Variants in INPP5A observed in about 807,000 individuals in gnomAD.
The protein encoded by INPP5A is inositol polyphosphate-5-phosphatase A.
INPP5A carries 14 observed loss-of-function variants against 65.2 expected under a neutral mutation model. The observed-to-expected ratio is 0.21, with a 90% CI of 0.14 to 0.34. The LOEUF is 0.34. Among genes scored for constraint, INPP5A ranks in the 10% least tolerant of loss-of-function variants. INPP5A has a pLI of 1.00. For missense variants in INPP5A, 431 were observed against 545.6 expected, an observed-to-expected ratio of 0.79 and a Z score of 2.09; for synonymous variants, 207 against 208.3, an observed-to-expected ratio of 0.99 and a Z score of 0.05.
At chr10:132,544,556 G>A (rs2070945812) in intron 1 of INPP5A, among the ~76,000 whole-genome samples, 1 of 152,180 alleles carries the variant, frequency 6.6e-6, no homozygotes, top group Non-Finnish European at 1.5e-5. Flanking sequence ...CGGGCAGGGA[G>A]GGTTAAATAT....
At chr10:132,693,018 G>A (rs117878253) in intron 5 of INPP5A, among the ~76,000 whole-genome samples, 3,905 of 152,292 alleles carry the variant, frequency 0.026, 70 homozygotes, top group Middle Eastern at 0.041. Context: ...AAGTCATAAG[G>A]ACAGGAGGGA....
chr10:132,695,385 T>C (rs1478154226), intron 5 of INPP5A, among the ~76,000 whole-genome samples: 1 of 152,152 alleles, frequency 6.6e-6, no homozygotes, highest in Non-Finnish European at 1.5e-5. Context: ...AATCCTACAA[T>C]GAATACCACA....
intron 2 of INPP5A, among the ~76,000 whole-genome samples, chr10:132,632,909 G>T (rs865834969): frequency 1.3e-5 from 2 of 152,176 alleles, no homozygotes; most frequent in Non-Finnish European, 2.9e-5. Flanking sequence ...ATGCCACATC[G>T]GTGGCTTAGC....
Position 132,627,910 on chromosome 10 carries a change from G to A in INPP5A, c.118-17958G>A, listed in dbSNP as rs1236472321. 6.6e-6 allele frequency among the ~76,000 whole-genome samples: 1 copy of A among 152,118 alleles called. No individual in the cohort carries two copies. The highest frequency in any genetic ancestry group is 1.5e-5 in the Non-Finnish European group (1 of 68,020). On this transcript the variant is annotated intron_variant, in intron 2 of 15. Coordinates refer to ENST00000368594, the MANE Select transcript of INPP5A (RefSeq NM_005539.5). The surrounding 1 kb of genome is among the most constrained non-coding windows in gnomAD (Gnocchi z 6.6). ...TGCCCAGGCTGGAGTGGCGGCGTCG[G>A]GTGTGGAGAGAAACTGGAGATAAGG...
intron 12 of INPP5A, among the ~76,000 whole-genome samples, chr10:132,776,964 C>T (rs1847075203): frequency 6.6e-6 from 1 of 152,126 alleles, no homozygotes; most frequent in Admixed American, 6.5e-5. Context: ...TGAGCTGTGC[C>T]CTGGCCGGCG....
chr10:132,622,347 C>T (rs939957443), intron 2 of INPP5A, among the ~76,000 whole-genome samples: 12 of 147,450 alleles, frequency 8.1e-5, no homozygotes, highest in African/African-American at 2.8e-4. Flanking sequence ...GTTACGCTGA[C>T]GTGTTAGAAC....
At chr10:132,648,715 T>C (rs1161995470) in intron 3 of INPP5A, among the ~76,000 whole-genome samples, 1 of 152,268 alleles carries the variant, frequency 6.6e-6, no homozygotes, top group African/African-American at 2.4e-5. Flanking sequence ...TCTTCTGTAT[T>C]GCATTGTTGC....
At chr10:132,606,670 C>A (rs1245159553) in intron 1 of INPP5A, among the ~76,000 whole-genome samples, 1 of 152,228 alleles carries the variant, frequency 6.6e-6, no homozygotes, top group East Asian at 1.9e-4. Context: ...TGGTGTGTGG[C>A]CAGCCTTGCG....
chr10:132,743,571 A>G (rs982414425), intron 9 of INPP5A, among the ~76,000 whole-genome samples: 16 of 152,232 alleles, frequency 1.1e-4, no homozygotes, highest in African/African-American at 3.4e-4. Context: ...GTGAGTATCA[A>G]TTGGATGTCT....
chr10:132,733,619 C>A (rs796287276), intron 9 of INPP5A, among the ~76,000 whole-genome samples: 2 of 152,156 alleles, frequency 1.3e-5, no homozygotes, highest in African/African-American at 4.8e-5. Flanking sequence ...AAATTCTGCA[C>A]GATTTTCTTT....
rs757511241 is a variant in INPP5A, at chr10:132,765,778, G to A, written c.909G>A (p.Leu303=). ...CTGCTCTTTCTTTTCTTTAGCTCTT[G>A]GAGTTTGACAAGGAGTTGTCTGTCT... The part of the protein sequence containing the change: ...VFRDNNGTAL[L]EFDKELSVFK... The change falls in exon 12 of 16, where the codon TTG becomes TTA. Residue 303 remains leucine, a synonymous_variant. Transcript: ENST00000368594. The A allele has an allele frequency of 2.5e-6, 4 of 1,592,804 alleles. No homozygotes were observed.
At chr10:132,781,764 G>A (rs757812523) in intron 14 of INPP5A, 97 bp from the exon 15 acceptor site, 20 of 997,364 alleles carry the variant, frequency 2.0e-5, no homozygotes, top group Non-Finnish European at 2.8e-5. Flanking sequence ...GGCTGCCCTG[G>A]TGAGACGCAG....
At chr10:132,649,097 T>C (rs1171144523) in intron 3 of INPP5A, among the ~76,000 whole-genome samples, 3 of 152,246 alleles carry the variant, frequency 2.0e-5, no homozygotes, top group African/African-American at 7.2e-5. Flanking sequence ...TCGGTTTGGA[T>C]CGCCTCTGTT....
chr10:132,561,803 C>T (rs932331873), intron 1 of INPP5A, among the ~76,000 whole-genome samples: 17 of 151,492 alleles, frequency 1.1e-4, no homozygotes, highest in African/African-American at 3.9e-4. Flanking sequence ...CTGGAATCTA[C>T]ACACACACAA....
At chr10:132,745,793 CGTGGTGGCCTCGGGT>C (rs796561463) in intron 9 of INPP5A, among the ~76,000 whole-genome samples, 1,589 of 140,228 alleles carry the variant, frequency 0.011, 13 homozygotes, top group South Asian at 0.049. Flanking sequence ...GGGCTTCTGG[CGTGGTGGCCTCGGGT>C]GTGGTGGCCC....
At chr10:132,664,598 G>A (rs1424221326) in intron 4 of INPP5A, among the ~76,000 whole-genome samples, 1 of 152,230 alleles carries the variant, frequency 6.6e-6, no homozygotes, top group African/African-American at 2.4e-5. Context: ...GCACACCGCT[G>A]TGTGGGGGTG....
At chr10:132,671,397 T>TCCGCCCTCCCTGCTCA (rs1564958023) in intron 4 of INPP5A, among the ~76,000 whole-genome samples, 8 of 76,938 alleles carry the variant, frequency 1.0e-4, no homozygotes, top group Non-Finnish European at 1.8e-4. Flanking sequence ...CTCCCTGCTC[T>TCCGCCCTCCCTGCTCA]GGACTCCGCC....
In INPP5A at chr10:132,734,346, G is replaced by T. The variant is rs1265309629; in HGVS notation, c.732+7441G>T. Among the ~76,000 whole-genome samples the T allele has an allele frequency of 2.0e-5, 3 of 152,184 alleles. No homozygotes were observed. The East Asian group carries it at 5.8e-4, about 29-fold the overall frequency. On this transcript the variant is annotated intron_variant, in intron 9 of 15. Transcript: ENST00000368594. ...TGGACGAGGAATCCCTGTGGTCCAG[G>T]GCCTCATTTTCCTCGTACAGCTTTC... is the stretch of plus-strand genomic sequence containing the variant.
intron 9 of INPP5A, among the ~76,000 whole-genome samples, chr10:132,746,174 A>G (rs541309922): frequency 6.6e-6 from 1 of 152,366 alleles, no homozygotes; most frequent in South Asian, 2.1e-4. Flanking sequence ...AGTGGAGCCC[A>G]GGCGCCTGCT....
Sources: gnomAD v4.1 joint callset for allele counts (sites outside exome capture counted in the v4.1 genomes callset) on GRCh38, gnomAD v4.1.1 for gene constraint, Gnocchi (gnomAD v3.1) non-coding constraint, MANE v1.5 for transcripts, NCBI Gene and HGNC (gene_info 2026-07-23, HGNC 2026-07-21) for gene names.